The following PTPRS variants were observed in gnomAD, a reference collection of about 807,000 sequenced individuals.
PTPRS encodes the protein receptor-type tyrosine-protein phosphatase S.
Under a neutral mutation model 215.3 loss-of-function variants are expected in PTPRS, and 63 were observed. That is an observed-to-expected ratio of 0.29 (90% CI 0.24 to 0.36). PTPRS has a LOEUF of 0.36. Ranked by LOEUF, PTPRS falls within the 10% of genes least tolerant of loss-of-function variation. The probability of loss-of-function intolerance (pLI) is 1.00; values close to 1 mark genes in which losing one functional copy is unlikely to be tolerated. For synonymous variants in PTPRS, 1,404 were observed against 1,191.4 expected, an observed-to-expected ratio of 1.18 and a Z score of -3.68; for missense variants, 2,258 against 2,825.8, an observed-to-expected ratio of 0.80 and a Z score of 4.56.
At chr19:5,218,317 G>A (rs1003901745) in intron 25 of PTPRS, 103 bp downstream of exon 25, 18 of 934,230 alleles carry the variant, frequency 1.9e-5, no homozygotes, top group East Asian at 1.7e-4. Context: ...ACCAAGCATA[G>A]TTCAGAGGGG....
chr19:5,260,731 C>A lies in PTPRS; in HGVS notation c.595+74G>T, dbSNP rs1159408033. 15 of 1,578,210 alleles carry A rather than the reference C, an allele frequency of 9.5e-6. No individual in the cohort carries two copies. The South Asian group carries it at 1.4e-4, about 15-fold the overall frequency. On this transcript the variant is annotated intron_variant, in intron 7 of 37. Transcript: ENST00000262963. ...GCATGGAAGGGGGCCTGGGGGCAGG[C>A]CCTGTGGAGCCTGAGGGGCTGAGTG... is the stretch of plus-strand genomic sequence containing the variant.
At chr19:5,305,105 C>T (rs1035317457) in intron 1 of PTPRS, among the ~76,000 whole-genome samples, 23 of 152,160 alleles carry the variant, frequency 1.5e-4, no homozygotes, top group African/African-American at 5.6e-4. Flanking sequence ...CCCCATCTCC[C>T]CAAGACATAA....
intron 26 of PTPRS, 63 bp from the exon 27 acceptor site, chr19:5,215,658 G>T: frequency 8.7e-7 from 1 of 1,150,382 alleles, no homozygotes. Context: ...GGACTCGGGG[G>T]AGGGGGGTGA....
rs59025652 is a variant in PTPRS at position 5,331,704 on chromosome 19, G to C, written c.-95+8960C>G. On this transcript the variant is annotated intron_variant, in intron 1 of 37. Coordinates refer to ENST00000262963, the MANE Select transcript of PTPRS (RefSeq NM_002850.4). ...GGGTGCTCCAGCCCCAAGAGCAAAC[G>C]ACTGCGCTACAGAAAGAACGAGGGA... Among the ~76,000 whole-genome samples, 27 of 152,282 alleles carry C rather than the reference G, an allele frequency of 1.8e-4. No individual in the cohort carries two copies. The South Asian group carries it at 3.9e-3, about 22-fold the overall frequency.
Position 5,244,349 on chromosome 19 carries a change from C to A in PTPRS, c.1122G>T (p.Gly374=). 6.2e-7 allele frequency: 1 copy of A among 1,614,230 alleles called. No individual in the cohort carries two copies. Reference sequence around the variant, plus strand: ...TGATGTCCTCTTTAATCTGATACGGCCCGTCTTGGCTCTTGGATTTATATT... The same window carrying A: ...TGATGTCCTCTTTAATCTGATACGGACCGTCTTGGCTCTTGGATTTATATT... The part of the protein sequence containing the change: ...VIEYKSKSQD[G]PYQIKEDITT... The change falls in exon 11 of 38, where the codon GGG becomes GGT. Residue 374 remains glycine, a synonymous_variant. Transcript: ENST00000262963. The surrounding 1 kb of genome is among the most constrained non-coding windows in gnomAD (Gnocchi z 7.2).
chr19:5,223,905 T>G (rs62115083), intron 17 of PTPRS, among the ~76,000 whole-genome samples: 55,047 of 151,434 alleles, frequency 0.36, 11,893 homozygotes, highest in East Asian at 0.6. Context: ...CTGGGTGTGG[T>G]GGCTCACATC....
At chr19:5,301,839 G>A (rs536858641) in intron 1 of PTPRS, among the ~76,000 whole-genome samples, 8 of 152,164 alleles carry the variant, frequency 5.3e-5, no homozygotes, top group East Asian at 3.9e-4. Flanking sequence ...GGAGTGTAGC[G>A]CGGCAATCTC....
At position 5,286,251 on chromosome 19, in the gene PTPRS, G is replaced by A. The variant is rs956782602; in HGVS notation, c.-94-17C>T. On this transcript the variant is annotated splice_polypyrimidine_tract_variant and intron_variant, in intron 1 of 37. Coordinates refer to ENST00000262963, the MANE Select transcript of PTPRS (RefSeq NM_002850.4). The stretch of plus-strand genomic sequence containing the variant: ...GGGCAACGTCTGCAGAGACAATGGA[G>A]GGCTGTGAGAGGCGAGTGGGGAAAT... The A allele has an allele frequency of 1.6e-6, 2 of 1,232,936 alleles. No homozygotes were observed. The highest frequency in any genetic ancestry group is 3.0e-5 in the African/African-American group (2 of 67,028). The allele number at this position is 1,232,936 out of a possible 1,614,324, so 76.4% of individuals were successfully genotyped here. A position where few individuals can be genotyped will look rare whatever the true frequency, so the allele number is the denominator to read the frequency against.
At position 5,225,761 on chromosome 19, in the gene PTPRS, G is replaced by A. The variant is rs962507583; in HGVS notation, c.2460C>T (p.Arg820=). The A allele has an allele frequency of 4.3e-6, 7 of 1,613,964 alleles. No homozygotes were observed. Among genetic ancestry groups the A allele is most frequent in the Admixed American group, 1.7e-5 (1 of 60,004 alleles). Residue 820 remains arginine (R), a synonymous_variant, in exon 17 of 38, where the codon CGC becomes CGT. Coordinates refer to ENST00000262963, the MANE Select transcript of PTPRS (RefSeq NM_002850.4). The part of the protein sequence containing the change: ...AAYTMKGDGA[R]SKPKVVVTKG... ...TGGTCACAACCACCTTGGGTTTGCT[G>A]CGAGCGCCATCGCCCTTCATGGTGT...
At chr19:5,259,692 C>A (rs928431603) in intron 7 of PTPRS, among the ~76,000 whole-genome samples, 2 of 152,144 alleles carry the variant, frequency 1.3e-5, no homozygotes, top group African/African-American at 4.8e-5. Flanking sequence ...GAGTGAATAT[C>A]CCCAAATGTG....
In PTPRS at chr19:5,210,811, G is replaced by A; in HGVS notation, c.5235-6C>T. ...CGATGTAGGCCTTCTGCTGCCTGCA[G>A]GCGTTGGGGGTATGAGCCCAGGGCC... On this transcript the variant is annotated splice_polypyrimidine_tract_variant and splice_region_variant and intron_variant, in intron 33 of 37. Transcript: ENST00000262963. The surrounding 1 kb of genome is among the most constrained non-coding windows in gnomAD (Gnocchi z 4.5). The A allele has an allele frequency of 6.2e-7, 1 of 1,613,032 alleles. No individual in the cohort carries two copies. Among genetic ancestry groups the A allele is most frequent in the Non-Finnish European group, 8.5e-7 (1 of 1,179,900 alleles).
chr19:5,326,886 G>T (rs887123384), intron 1 of PTPRS, among the ~76,000 whole-genome samples: 4 of 152,034 alleles, frequency 2.6e-5, no homozygotes, highest in Non-Finnish European at 4.4e-5. Context: ...AAGCAAGCAA[G>T]CTAGCTAGTC....
Position 5,222,969 on chromosome 19 carries a change from G to C in PTPRS, c.2823C>G (p.Ala941=). 1 of 1,542,500 alleles carries C rather than the reference G, an allele frequency of 6.5e-7. No homozygotes were observed. Among genetic ancestry groups the C allele is most frequent in the Non-Finnish European group, 8.7e-7 (1 of 1,149,056 alleles). Reference sequence around the variant, plus strand: ...AGCGGAGAAGGACGGTCCCGGCCGAGGCGTTGCCGGCCGCCTCCAGAATCT... The same window carrying C: ...AGCGGAGAAGGACGGTCCCGGCCGACGCGTTGCCGGCCGCCTCCAGAATCT... ...HPQILEAAGN[A]SAGTVLLRWL... is the part of the protein sequence containing the mutation. Residue 941 remains alanine (A), a synonymous_variant, in exon 18 of 38, where the codon GCC becomes GCG. Transcript: ENST00000262963.
chr19:5,243,990 TCC>T lies in PTPRS; in HGVS notation c.1479_1480del (p.Asp494ArgfsTer132). 1 of 1,435,310 alleles carries T rather than the reference TCC, an allele frequency of 7.0e-7. No individual in the cohort carries two copies. Among genetic ancestry groups the T allele is most frequent in the Non-Finnish European group, 9.2e-7 (1 of 1,091,370 alleles). The allele number at this position is 1,435,310 out of a possible 1,614,324, so 88.9% of individuals were successfully genotyped here. ...GAGCACCCGCACGGTGTAGGTCTCG[TCC>T]TCCAGCAGGCTGCCCACGGTGGTCA... On this transcript the variant is annotated frameshift_variant, in exon 11 of 38. Transcript: ENST00000262963. LOFTEE classifies it high-confidence loss of function.
chr19:5,291,072 C>T (rs1418077736), intron 1 of PTPRS, among the ~76,000 whole-genome samples: 1 of 151,962 alleles, frequency 6.6e-6, no homozygotes, highest in East Asian at 2.0e-4. Context: ...GGGGCTGGCC[C>T]TTCCCGGAAC....
At chr19:5,297,372 C>G (rs1311326048) in intron 1 of PTPRS, among the ~76,000 whole-genome samples, 2 of 152,194 alleles carry the variant, frequency 1.3e-5, no homozygotes, top group Non-Finnish European at 2.9e-5. Flanking sequence ...TAGAGAGAAA[C>G]TGTTTCATGC....
intron 1 of PTPRS, among the ~76,000 whole-genome samples, chr19:5,310,186 T>G (rs1291564719): frequency 6.6e-6 from 1 of 152,202 alleles, no homozygotes; most frequent in African/African-American, 2.4e-5. Context: ...TCCCCTCAGA[T>G]GTCAGCAAAC....
At chr19:5,227,942 C>A (rs1480065742) in intron 16 of PTPRS, among the ~76,000 whole-genome samples, 1 of 152,166 alleles carries the variant, frequency 6.6e-6, no homozygotes, top group East Asian at 1.9e-4. Context: ...ACACGCACCC[C>A]CCCAAGCACA....
chr19:5,281,996 C>T (rs899743138), intron 2 of PTPRS, among the ~76,000 whole-genome samples: 1 of 152,180 alleles, frequency 6.6e-6, no homozygotes, highest in African/African-American at 2.4e-5. Flanking sequence ...TTACTGCAGG[C>T]CCGGTCAGGA....
Sources: allele counts gnomAD v4.1 joint callset (sites outside exome capture counted in the v4.1 genomes callset), GRCh38; gene constraint gnomAD v4.1.1; non-coding constraint Gnocchi (gnomAD v3.1); transcripts MANE v1.5; gene names NCBI Gene and HGNC (gene_info 2026-07-23, HGNC 2026-07-21).